Variants in CSMD3 observed in about 807,000 individuals in gnomAD.
The protein encoded by CSMD3 is CUB and Sushi multiple domains 3.
In CSMD3, 177 loss-of-function variants were observed where a neutral mutation model predicts 435.2. The observed-to-expected ratio is 0.41, with a 90% CI of 0.36 to 0.46. CSMD3 has a LOEUF of 0.46. CSMD3 is among the 20% of genes least tolerant of loss of function. CSMD3 has a pLI of 0.34. For synonymous variants in CSMD3, 1,656 were observed against 1,520.5 expected (o/e 1.09, Z -2.07); for missense variants, 4,265 against 4,504.6 (o/e 0.95, Z 1.52).
chr8:112,398,208 T>C (rs982261322), intron 35 of CSMD3, among the ~76,000 whole-genome samples: 3 of 152,166 alleles, frequency 2.0e-5, no homozygotes, highest in African/African-American at 7.2e-5. Flanking sequence ...GGGCCTATGG[T>C]CTCACCTCCT....
At chr8:113,386,701 C>T (rs1300228584) in intron 1 of CSMD3, among the ~76,000 whole-genome samples, 1 of 151,842 alleles carries the variant, frequency 6.6e-6, no homozygotes, top group African/African-American at 2.4e-5. Context: ...CACCAATCTT[C>T]TTAAAAATGT....
At chr8:112,393,080 A>T (rs899140230) in intron 35 of CSMD3, among the ~76,000 whole-genome samples, 2 of 151,988 alleles carry the variant, frequency 1.3e-5, no homozygotes, top group African/African-American at 4.8e-5. Flanking sequence ...ATTTGTAGAG[A>T]CAGGATCTGT....
At chr8:112,294,847 ATAGTG>A (rs1297229060) in intron 54 of CSMD3, among the ~76,000 whole-genome samples, 1 of 152,198 alleles carries the variant, frequency 6.6e-6, no homozygotes, top group Non-Finnish European at 1.5e-5. Context: ...GAATTTTAAA[ATAGTG>A]TAAACAGTGC....
At chr8:112,943,317 T>A (rs2083508360) in intron 9 of CSMD3, among the ~76,000 whole-genome samples, 1 of 151,556 alleles carries the variant, frequency 6.6e-6, no homozygotes, top group Admixed American at 6.6e-5. Context: ...ATAGAGCAGA[T>A]ATTTTAATTT....
At chr8:112,489,806 T>G (rs576379768) in intron 31 of CSMD3, among the ~76,000 whole-genome samples, 1 of 152,280 alleles carries the variant, frequency 6.6e-6, no homozygotes, top group African/African-American at 2.4e-5. Flanking sequence ...TTCTTTTCTA[T>G]TAGCTTAAAG....
At chr8:113,019,030 A>G (rs1300327084) in intron 6 of CSMD3, 37 bp downstream of exon 6, 5 of 1,273,372 alleles carry the variant, frequency 3.9e-6, no homozygotes, top group Non-Finnish European at 5.8e-6. Flanking sequence ...AAATTATTTT[A>G]CATATCAAAA....
At chr8:113,279,271 T>G (rs933205759) in intron 2 of CSMD3, among the ~76,000 whole-genome samples, 7 of 148,634 alleles carry the variant, frequency 4.7e-5, no homozygotes, top group African/African-American at 1.7e-4. Context: ...GGCAACTAGA[T>G]CAAGTTCACA....
chr8:112,807,762 T>C (rs932983806), intron 12 of CSMD3, among the ~76,000 whole-genome samples: 1 of 152,172 alleles, frequency 6.6e-6, no homozygotes, highest in African/African-American at 2.4e-5. Context: ...CAAAAGCAAC[T>C]GTTAAAATGT....
intron 1 of CSMD3, among the ~76,000 whole-genome samples, chr8:113,374,448 G>T (rs1372513935): frequency 6.6e-6 from 1 of 151,964 alleles, no homozygotes; most frequent in Non-Finnish European, 1.5e-5. Flanking sequence ...GAGATAAGAA[G>T]GTTGGTGCTA....
At chr8:112,410,628 G>GTATATATGTA in intron 32 of CSMD3, among the ~76,000 whole-genome samples, 1 of 69,954 alleles carries the variant, frequency 1.4e-5, no homozygotes, top group South Asian at 4.6e-4. Flanking sequence ...ATATATATGT[G>GTATATATGTA]TATATATATG....
In CSMD3 at chr8:112,223,970, T is replaced by C. The variant is rs968109188; in HGVS notation, c.*801A>G. ...GTGAGGAAACATACTGAAGCTACTA[T>C]CACATTTGGGATTAAAAAATAATAA... is the stretch of plus-strand genomic sequence containing the variant. On this transcript the variant is annotated 3_prime_UTR_variant, in exon 71 of 71. Coordinates refer to ENST00000297405, the MANE Select transcript of CSMD3 (RefSeq NM_198123.2). 8 of 152,074 alleles carry C rather than the reference T, an allele frequency of 5.3e-5. No homozygotes were observed. The highest frequency in any genetic ancestry group is 1.9e-4 in the African/African-American group (8 of 41,420). The allele number at this position is 152,074 out of a possible 1,614,324, so 9.4% of individuals were successfully genotyped here.
At chr8:113,256,722 C>G (rs2093383782) in intron 3 of CSMD3, among the ~76,000 whole-genome samples, 1 of 152,152 alleles carries the variant, frequency 6.6e-6, no homozygotes, top group African/African-American at 2.4e-5. Context: ...ACAATTACAA[C>G]TTTTACTGAA....
intron 1 of CSMD3, among the ~76,000 whole-genome samples, chr8:113,335,537 CTTTTTTTTTTTTTT>C (rs1222360431): frequency 2.0e-4 from 6 of 29,726 alleles, no homozygotes; most frequent in Middle Eastern, 0.036. Flanking sequence ...CCTCCTCCTT[CTTTTTTTTTTTTTT>C]TTTTTTTTTT....
chr8:113,214,107 GCTA>G (rs1186873359), intron 3 of CSMD3, among the ~76,000 whole-genome samples: 1 of 151,970 alleles, frequency 6.6e-6, no homozygotes, highest in Non-Finnish European at 1.5e-5. Context: ...GCCTGGAGAG[GCTA>G]CTACTTCAGT....
intron 38 of CSMD3, among the ~76,000 whole-genome samples, chr8:112,373,778 A>C (rs1828676558): frequency 6.6e-6 from 1 of 152,160 alleles, no homozygotes; most frequent in Admixed American, 6.5e-5. Context: ...AGCAAAATAG[A>C]TTATTGGGCG....
At chr8:112,505,357 T>C (rs2130923434) in intron 29 of CSMD3, among the ~76,000 whole-genome samples, 1 of 152,294 alleles carries the variant, frequency 6.6e-6, no homozygotes, top group Admixed American at 6.5e-5. Context: ...GATTAAACTT[T>C]ATTTCATTAC....
At chr8:112,907,733 T>G (rs1007910908) in intron 10 of CSMD3, among the ~76,000 whole-genome samples, 9 of 151,300 alleles carry the variant, frequency 5.9e-5, no homozygotes, top group Non-Finnish European at 1.0e-4. Context: ...ATAAAAAAAG[T>G]TCAGAGTCAA....
intron 11 of CSMD3, among the ~76,000 whole-genome samples, chr8:112,833,547 T>G (rs1363705276): frequency 6.6e-6 from 1 of 152,092 alleles, no homozygotes; most frequent in East Asian, 1.9e-4. Flanking sequence ...AATAATATTT[T>G]AGGTTCTTCC....
At chr8:112,944,461 G>A (rs1042084924) in intron 9 of CSMD3, among the ~76,000 whole-genome samples, 1 of 151,586 alleles carries the variant, frequency 6.6e-6, no homozygotes, top group Admixed American at 6.6e-5. Flanking sequence ...CAATAAACAT[G>A]CTTTGGTCTC....
Sources: allele counts gnomAD v4.1 joint callset (sites outside exome capture counted in the v4.1 genomes callset), GRCh38; gene constraint gnomAD v4.1.1; transcripts MANE v1.5; gene names NCBI Gene and HGNC (gene_info 2026-07-23, HGNC 2026-07-21).